The following CKMT2 variants were observed in gnomAD, a reference collection of about 807,000 sequenced individuals.
The protein encoded by CKMT2 is creatine kinase S-type, mitochondrial.
In CKMT2, 43 loss-of-function variants were observed where a neutral mutation model predicts 48.9. The observed-to-expected ratio is 0.88, with a 90% CI of 0.69 to 1.13. The LOEUF is 1.13. Among genes scored for constraint, CKMT2 ranks in the 50% most tolerant of loss-of-function variants. The pLI is 0.00. For missense variants in CKMT2, 472 were observed against 555.4 expected, an observed-to-expected ratio of 0.85 and a Z score of 1.51; for synonymous variants, 206 against 213.0, an observed-to-expected ratio of 0.97 and a Z score of 0.29.
chr5:81,233,664 T>C (rs941922391), intron 1 of CKMT2, among the ~76,000 whole-genome samples: 9 of 151,924 alleles, frequency 5.9e-5, no homozygotes, highest in African/African-American at 2.2e-4. Context: ...GGAATTTTTC[T>C]CGATGGAAAA....
intron 1 of CKMT2, among the ~76,000 whole-genome samples, chr5:81,244,400 C>G (rs1480289290): frequency 6.6e-6 from 1 of 152,138 alleles, no homozygotes. Flanking sequence ...TGCTGGAGGT[C>G]TTAGCCTGGT....
chr5:81,256,149 CAAGA>C (rs977399797), intron 5 of CKMT2, among the ~76,000 whole-genome samples: 1 of 151,772 alleles, frequency 6.6e-6, no homozygotes, highest in African/African-American at 2.4e-5. Flanking sequence ...TGTAACTATG[CAAGA>C]AAGAGTAGTA....
At chr5:81,234,933 A>G (rs1756205083) in intron 1 of CKMT2, among the ~76,000 whole-genome samples, 2 of 152,130 alleles carry the variant, frequency 1.3e-5, no homozygotes, top group Non-Finnish European at 2.9e-5. Flanking sequence ...GCTCCTGCCC[A>G]CAGAGCCAGG....
chr5:81,245,451 C>G (rs1756575766), intron 1 of CKMT2: 1 of 152,278 alleles, frequency 6.6e-6, no homozygotes, highest in Non-Finnish European at 1.5e-5. Context: ...CCTGGTACAG[C>G]AGGTACCCGA....
intron 9 of CKMT2, among the ~76,000 whole-genome samples, chr5:81,264,352 G>A (rs1757325646): frequency 1.3e-5 from 2 of 152,164 alleles, no homozygotes; most frequent in Admixed American, 1.3e-4. Flanking sequence ...TAATTTTAAA[G>A]CCTCTTCTCA....
chr5:81,247,074 G>A (rs1278736333), intron 1 of CKMT2: 1 of 152,270 alleles, frequency 6.6e-6, no homozygotes, highest in African/African-American at 2.4e-5. Context: ...GGAGCCCACA[G>A]TGAGGGTGTC....
chr5:81,257,851 AAAG>A lies in CKMT2; in HGVS notation c.878_879+1del. 6.2e-7 allele frequency: 1 copy of A among 1,611,536 alleles called. No individual in the cohort carries two copies. On this transcript the variant is annotated inframe_deletion and splice_region_variant, in exon 7 of 10. Coordinates refer to ENST00000254035, the MANE Select transcript of CKMT2 (RefSeq NM_001099735.2). ...ATTTGAGCGATTCTGTCGTGGACTA[AAAG>A]AAGTAAGATGTTATCTGAGATTTCT...
intron 9 of CKMT2, 130 bp downstream of exon 9, chr5:81,263,746 G>A: frequency 1.5e-6 from 1 of 679,906 alleles, no homozygotes; most frequent in Non-Finnish European, 2.3e-6. Flanking sequence ...CCTGAGTTAT[G>A]TTAGCTTTTC....
intron 1 of CKMT2, chr5:81,244,226 G>C: frequency 1.0e-6 from 1 of 979,792 alleles, no homozygotes; most frequent in Non-Finnish European, 1.2e-6. Context: ...TTACTGTAAT[G>C]CATCATGGCT....
intron 1 of CKMT2, among the ~76,000 whole-genome samples, chr5:81,234,012 G>A (rs1044945401): frequency 3.2e-5 from 4 of 125,056 alleles, no homozygotes; most frequent in African/African-American, 1.3e-4. Flanking sequence ...TTTCCCACCG[G>A]AGGTTAATTA....
chr5:81,251,216 C>G lies in CKMT2; in HGVS notation c.84C>G (p.Thr28=), dbSNP rs1349339376. The G allele has an allele frequency of 6.2e-7, 1 of 1,614,048 alleles. No individual in the cohort carries two copies. The highest frequency in any genetic ancestry group is 1.3e-5 in the African/African-American group (1 of 74,900). Residue 28 remains threonine, a synonymous_variant, in exon 2 of 10, where the codon ACC becomes ACG. Coordinates refer to ENST00000254035, the MANE Select transcript of CKMT2 (RefSeq NM_001099735.2). ...CCATGGGCACCAGTGTCCTGACCAC[C>G]GGGTACCTGCTGAACCGGCAGAAAG... ...FATMGTSVLT[T]GYLLNRQKVC... is the part of the protein sequence containing the mutation.
chr5:81,262,914 T>C (rs1757271990), intron 8 of CKMT2, among the ~76,000 whole-genome samples: 1 of 152,176 alleles, frequency 6.6e-6, no homozygotes, highest in South Asian at 2.1e-4. Flanking sequence ...AGCAAAGACT[T>C]GGAACCAACC....
At position 81,234,636 on chromosome 5, in the gene CKMT2, A is replaced by C. The variant is rs578093482; in HGVS notation, c.-21+1259A>C. Among the ~76,000 whole-genome samples the C allele has an allele frequency of 3.0e-4, 45 of 152,314 alleles. No homozygotes were observed. In the South Asian group the frequency reaches 9.1e-3, roughly 31 times the overall value. ...CTGTGGGTTAAGGCACTGTCACAGC[A>C]AAGCACAGGAGTGCCACATGCACCC... is the stretch of plus-strand genomic sequence containing the variant. On this transcript the variant is annotated intron_variant, in intron 1 of 9. Coordinates refer to ENST00000254035, the MANE Select transcript of CKMT2 (RefSeq NM_001099735.2).
At chr5:81,242,493 A>G in intron 1 of CKMT2, 2 of 493,494 alleles carry the variant, frequency 4.1e-6, no homozygotes, top group Non-Finnish European at 7.9e-6. Context: ...CTTGTCATCA[A>G]CCTTAATTAG....
chr5:81,253,741 C>T (rs538314400), intron 3 of CKMT2, among the ~76,000 whole-genome samples: 1 of 152,362 alleles, frequency 6.6e-6, no homozygotes, highest in Middle Eastern at 3.4e-3. Flanking sequence ...CCACTTCCCA[C>T]AGCTCCCAAA....
At position 81,266,177 on chromosome 5, in the gene CKMT2, C is replaced by T. The variant is rs781473963; in HGVS notation, c.1179C>T (p.Tyr393=). 13 of 1,612,504 alleles carry T rather than the reference C, an allele frequency of 8.1e-6. 2 individuals carry two copies. The South Asian group carries it at 1.4e-4, about 18-fold the overall frequency. Residue 393 remains tyrosine (Y), a synonymous_variant, in exon 10 of 10, where the codon TAC becomes TAT. Coordinates refer to ENST00000254035, the MANE Select transcript of CKMT2 (RefSeq NM_001099735.2). ...LVQIVIDGVN[Y]LVDCEKKLER... is the part of the protein sequence containing the mutation. Reference sequence around the variant, plus strand: ...AGATAGTCATCGATGGAGTCAATTACCTGGTGGATTGTGAAAAGAAGTTGG... The same window carrying T: ...AGATAGTCATCGATGGAGTCAATTATCTGGTGGATTGTGAAAAGAAGTTGG...
intron 9 of CKMT2, among the ~76,000 whole-genome samples, chr5:81,263,852 G>C (rs988819705): frequency 1.3e-5 from 2 of 152,222 alleles, no homozygotes; most frequent in African/African-American, 2.4e-5. Context: ...TTCACAGTGG[G>C]ACTGTTGTCA....
chr5:81,248,021 A>G (rs536650398), intron 1 of CKMT2, among the ~76,000 whole-genome samples: 3 of 152,332 alleles, frequency 2.0e-5, no homozygotes, highest in Admixed American at 1.3e-4. Flanking sequence ...AAATATGGAT[A>G]TGACACTTCA....
chr5:81,255,134 G>A lies in CKMT2; in HGVS notation c.589G>A (p.Glu197Lys), dbSNP rs757767424. The A allele has an allele frequency of 6.2e-7, 1 of 1,614,154 alleles. No individual in the cohort carries two copies. Reference sequence around the variant, plus strand: ...AGAGAACGTGGCCATCACTGCCCTGGAGGGCCTCAAGGGGGACCTGGCTGG... The same window carrying A: ...AGAGAACGTGGCCATCACTGCCCTGAAGGGCCTCAAGGGGGACCTGGCTGG... ...EVENVAITAL[E>K]GLKGDLAGRY... is the part of the protein sequence containing the mutation. Residue 197 changes from glutamate to lysine, a missense_variant, in exon 5 of 10, where the codon GAG becomes AAG. Glu to Lys is a moderately conservative substitution (Grantham distance 56). Coordinates refer to ENST00000254035, the MANE Select transcript of CKMT2 (RefSeq NM_001099735.2).
Sources: gnomAD v4.1 joint callset for allele counts (sites outside exome capture counted in the v4.1 genomes callset) on GRCh38, gnomAD v4.1.1 for gene constraint, MANE v1.5 for transcripts, NCBI Gene and HGNC (gene_info 2026-07-23, HGNC 2026-07-21) for gene names.